Variants in CDH4 observed in about 807,000 individuals in gnomAD.
The protein encoded by CDH4 is cadherin-4.
A neutral mutation model predicts 86.0 loss-of-function variants in CDH4; 33 were observed. The ratio of observed to expected loss-of-function variants is 0.38; its 90% CI spans 0.29 to 0.51. The LOEUF is 0.51. Among genes scored for constraint, CDH4 ranks in the 20% least tolerant of loss-of-function variants. CDH4 has a pLI of 0.86. For missense variants in CDH4, 1,114 were observed against 1,307.4 expected (o/e 0.85, Z 2.28); for synonymous variants, 555 against 549.4 (o/e 1.01, Z -0.14).
At chr20:61,256,755 G>A (rs927642323) in intron 2 of CDH4, among the ~76,000 whole-genome samples, 30 of 152,250 alleles carry the variant, frequency 2.0e-4, no homozygotes, top group African/African-American at 6.8e-4. Context: ...AATCTCCCAA[G>A]CACCTGAGCA....
intron 2 of CDH4, chr20:61,718,811 C>T (rs1450631197): frequency 2.1e-6 from 1 of 471,256 alleles, no homozygotes; most frequent in South Asian, 1.5e-5. Context: ...AGGCTGCACC[C>T]ACCATCCCGG....
intron 2 of CDH4, among the ~76,000 whole-genome samples, chr20:61,554,885 C>CAT (rs11472677): frequency 0.36 from 55,048 of 152,102 alleles, 11,010 homozygotes; most frequent in African/African-American, 0.54. Context: ...AGTAAGCTCA[C>CAT]GTTTTACATG....
intron 2 of CDH4, among the ~76,000 whole-genome samples, chr20:61,317,953 T>G (rs369547234): frequency 1.3e-5 from 2 of 152,214 alleles, no homozygotes. Context: ...TGAAGTGTTG[T>G]GCACACTTAT....
intron 2 of CDH4, among the ~76,000 whole-genome samples, chr20:61,425,380 A>G (rs2085206728): frequency 6.6e-6 from 1 of 151,846 alleles, no homozygotes; most frequent in South Asian, 2.1e-4. Context: ...GAGAGCCAGG[A>G]CAGAGGCAGC....
chr20:61,838,686 G>A (rs957928559), intron 4 of CDH4, among the ~76,000 whole-genome samples: 3 of 152,030 alleles, frequency 2.0e-5, no homozygotes, highest in South Asian at 4.2e-4. Context: ...GGGAGCGCCT[G>A]TAGTCCCAAC....
At chr20:61,668,305 G>A (rs1051045443) in intron 2 of CDH4, among the ~76,000 whole-genome samples, 2 of 152,202 alleles carry the variant, frequency 1.3e-5, no homozygotes, top group South Asian at 2.1e-4. Flanking sequence ...AGACAGACAC[G>A]CACATGCATG....
intron 2 of CDH4, among the ~76,000 whole-genome samples, chr20:61,407,705 G>A (rs755646883): frequency 2.8e-4 from 43 of 152,220 alleles, no homozygotes; most frequent in Non-Finnish European, 5.3e-4. Context: ...ACTGGACGCT[G>A]CCCAAGTGTG....
At chr20:61,653,582 C>G (rs886765807) in intron 2 of CDH4, among the ~76,000 whole-genome samples, 2 of 143,298 alleles carry the variant, frequency 1.4e-5, no homozygotes, top group Non-Finnish European at 3.1e-5. Flanking sequence ...CCACCTCCCT[C>G]CCGGACGGGG....
At position 61,923,672 on chromosome 20, in the gene CDH4, G is replaced by A. The variant is rs201235904; in HGVS notation, c.1596G>A (p.Val532=). 5 of 1,613,942 alleles carry A rather than the reference G, an allele frequency of 3.1e-6. No homozygotes were observed. The African/African-American group carries it at 6.7e-5, about 21-fold the overall frequency. Reference sequence around the variant, plus strand: ...CCGTGCTGACCACGTTTTCAGCTGTGGACCCTGACCGGTTCATGCAGCAGG... The same window carrying A: ...CCGTGCTGACCACGTTTTCAGCTGTAGACCCTGACCGGTTCATGCAGCAGG... ...PGTVLTTFSA[V]DPDRFMQQAV... is the part of the protein sequence containing the mutation. The change falls in exon 10 of 16, where the codon GTG becomes GTA. Residue 532 remains valine, a synonymous_variant. Transcript: ENST00000614565.
chr20:61,551,430 G>A (rs1600751347), intron 2 of CDH4, among the ~76,000 whole-genome samples: 1 of 152,174 alleles, frequency 6.6e-6, no homozygotes, highest in Non-Finnish European at 1.5e-5. Context: ...TGTGTAATCA[G>A]CACGCAGATA....
chr20:61,365,091 A>G (rs1273662690), intron 2 of CDH4, among the ~76,000 whole-genome samples: 1 of 152,208 alleles, frequency 6.6e-6, no homozygotes, highest in Non-Finnish European at 1.5e-5. Context: ...TCCTCTAGCC[A>G]TTTACCTGTA....
In CDH4 at chr20:61,418,297, G is replaced by A. The variant is rs528609870; in HGVS notation, c.169+163360G>A. ...ACCATCTCGGCTCACTGCAAGCTCCGCCTCCCGGGTTCACACCATTCTCCT... is the reference window on the plus strand; with the variant it reads ...ACCATCTCGGCTCACTGCAAGCTCCACCTCCCGGGTTCACACCATTCTCCT... On this transcript the variant is annotated intron_variant, in intron 2 of 15. Transcript: ENST00000614565. 1.0e-4 allele frequency among the ~76,000 whole-genome samples: 15 copies of A among 148,184 alleles called. No individual in the cohort carries two copies. The South Asian group carries it at 3.2e-3, about 32-fold the overall frequency.
intron 4 of CDH4, among the ~76,000 whole-genome samples, chr20:61,808,752 C>T (rs1366138928): frequency 1.3e-5 from 2 of 152,244 alleles, no homozygotes; most frequent in Non-Finnish European, 2.9e-5. Context: ...CCAGTCCAGG[C>T]GCTGGCCAAG....
chr20:61,910,496 C>G lies in CDH4; in HGVS notation c.1263C>G (p.Pro421=). The change falls in exon 9 of 16, where the codon CCC becomes CCG. Residue 421 remains proline, a synonymous_variant. Coordinates refer to ENST00000614565, the MANE Select transcript of CDH4 (RefSeq NM_001794.5). ...ANLTVMDRDQ[P]HSPNWNAVYR... is the part of the protein sequence containing the mutation. ...TCACGGTGATGGACCGAGATCAGCC[C>G]CACTCTCCAAACTGGAATGCCGTTT... 1 of 1,614,018 alleles carries G rather than the reference C, an allele frequency of 6.2e-7. No individual in the cohort carries two copies. The highest frequency in any genetic ancestry group is 8.5e-7 in the Non-Finnish European group (1 of 1,180,038).
At position 61,582,354 on chromosome 20, in the gene CDH4, T is replaced by G. The variant is rs1374422136; in HGVS notation, c.170-161209T>G. 6.6e-6 allele frequency among the ~76,000 whole-genome samples: 1 copy of G among 152,066 alleles called. No homozygotes were observed. Among genetic ancestry groups the G allele is most frequent in the African/African-American group, 2.4e-5 (1 of 41,410 alleles). On this transcript the variant is annotated intron_variant, in intron 2 of 15. Transcript: ENST00000614565. The surrounding 1 kb of genome is among the most constrained non-coding windows in gnomAD (Gnocchi z 4.2). ...TCTCCTCCTTATTGTTCAAGCGCAGTGAAAAAGGCAGCGTGAGCCCTGGGG... is the reference window on the plus strand; with the variant it reads ...TCTCCTCCTTATTGTTCAAGCGCAGGGAAAAAGGCAGCGTGAGCCCTGGGG...
chr20:61,411,578 G>A (rs1296310452), intron 2 of CDH4, among the ~76,000 whole-genome samples: 1 of 151,958 alleles, frequency 6.6e-6, no homozygotes, highest in East Asian at 1.9e-4. Context: ...CTGCTTCAGG[G>A]ATGCCACCAG....
At chr20:61,560,252 G>A (rs1036048684) in intron 2 of CDH4, among the ~76,000 whole-genome samples, 2 of 152,164 alleles carry the variant, frequency 1.3e-5, no homozygotes, top group African/African-American at 2.4e-5. Flanking sequence ...TAAAGAGCAC[G>A]TGACTTTTTA....
intron 2 of CDH4, among the ~76,000 whole-genome samples, chr20:61,324,955 AGCTT>A (rs1402220415): frequency 2.0e-5 from 3 of 152,174 alleles, no homozygotes; most frequent in Non-Finnish European, 2.9e-5. Context: ...CTGTTTCTTA[AGCTT>A]GCAGGAAGCA....
chr20:61,662,180 G>A (rs980426772), intron 2 of CDH4, among the ~76,000 whole-genome samples: 12 of 152,092 alleles, frequency 7.9e-5, no homozygotes, highest in African/African-American at 2.4e-4. Context: ...GTGTGTGATC[G>A]ATGCTGGTAG....
Sources: allele counts gnomAD v4.1 joint callset (sites outside exome capture counted in the v4.1 genomes callset), GRCh38; gene constraint gnomAD v4.1.1; non-coding constraint Gnocchi (gnomAD v3.1); transcripts MANE v1.5; gene names NCBI Gene and HGNC (gene_info 2026-07-23, HGNC 2026-07-21).